Variants in ZBTB7C observed in about 807,000 individuals in gnomAD.
The protein encoded by ZBTB7C is zinc finger and BTB domain-containing protein 7C.
Under a neutral mutation model 25.7 loss-of-function variants are expected in ZBTB7C, and 8 were observed. The observed-to-expected ratio is 0.31, with a 90% CI of 0.18 to 0.56. The LOEUF is 0.56. ZBTB7C is among the 20% of genes least tolerant of loss of function. The probability of loss-of-function intolerance (pLI) is 0.91; values close to 1 mark genes in which losing one functional copy is unlikely to be tolerated. For synonymous variants in ZBTB7C, 394 were observed against 369.0 expected (o/e 1.07, Z -0.78); for missense variants, 824 against 855.2 (o/e 0.96, Z 0.46).
At chr18:48,399,146 T>C (rs1370234023) in intron 1 of ZBTB7C, among the ~76,000 whole-genome samples, 2 of 152,180 alleles carry the variant, frequency 1.3e-5, no homozygotes, top group African/African-American at 4.8e-5. Flanking sequence ...CCCATTTGAG[T>C]AAAGAATTTT....
chr18:48,206,480 C>A (rs1233956934), intron 2 of ZBTB7C, among the ~76,000 whole-genome samples: 3 of 151,924 alleles, frequency 2.0e-5, no homozygotes, highest in African/African-American at 7.3e-5. Flanking sequence ...TATGGTGAAA[C>A]CCTGTCTCTA....
intron 3 of ZBTB7C, among the ~76,000 whole-genome samples, chr18:48,166,222 G>A (rs1370316888): frequency 1.3e-5 from 2 of 152,024 alleles, no homozygotes; most frequent in African/African-American, 2.4e-5. Flanking sequence ...TAACTGTTAA[G>A]CAATAACTTC....
chr18:48,196,648 G>A (rs1185513300), intron 2 of ZBTB7C, among the ~76,000 whole-genome samples: 3 of 152,042 alleles, frequency 2.0e-5, no homozygotes, highest in Non-Finnish European at 4.4e-5. Context: ...CCTTTATGTT[G>A]TATGGGATCC....
rs1396167377 is a variant in ZBTB7C at position 48,342,079 on chromosome 18, C to A, written c.-303-3681G>T. 5.9e-5 allele frequency among the ~76,000 whole-genome samples: 9 copies of A among 152,328 alleles called. No individual in the cohort carries two copies. In the East Asian group the frequency reaches 1.7e-3, roughly 29 times the overall value. On this transcript the variant is annotated intron_variant, in intron 1 of 4. Transcript: ENST00000590800. ...GGATCAGGGAGCTGGGACCCCTCCC[C>A]CGACATCATATTTCCCAGTCTAAGC...
At chr18:48,296,244 G>A (rs1352492280) in intron 2 of ZBTB7C, among the ~76,000 whole-genome samples, 1 of 152,144 alleles carries the variant, frequency 6.6e-6, no homozygotes, top group African/African-American at 2.4e-5. Context: ...ATGCAGGATG[G>A]GGAGGGGGCA....
At position 48,040,780 on chromosome 18, in the gene ZBTB7C, C is replaced by T. The variant is rs2036206493; in HGVS notation, c.328G>A (p.Ala110Thr). The change falls in exon 4 of 5, where the codon GCA becomes ACA. Residue 110 changes from alanine to threonine, a missense_variant. Physicochemically the swap from Ala to Thr is moderately conservative, Grantham distance 58 (BLOSUM62 0). Coordinates refer to ENST00000590800, the MANE Select transcript of ZBTB7C (RefSeq NM_001318841.2). ...CACTGGATCTCCAGCATCCTGGCTG[C>T]GTTGAGGATGTGCTTGACATTGCCA... ...TAGNVKHILN[A>T]ARMLEIQCIV... 11 of 1,613,926 alleles carry T rather than the reference C, an allele frequency of 6.8e-6. No homozygotes were observed. The highest frequency in any genetic ancestry group is 3.3e-5 in the Admixed American group (2 of 59,998).
intron 1 of ZBTB7C, among the ~76,000 whole-genome samples, chr18:48,347,636 T>C (rs1568390565): frequency 6.6e-6 from 1 of 152,148 alleles, no homozygotes; most frequent in East Asian, 1.9e-4. Context: ...CCTCTTCCCT[T>C]ACCTGACCCA....
intron 2 of ZBTB7C, among the ~76,000 whole-genome samples, chr18:48,308,703 A>G (rs1246454790): frequency 6.6e-6 from 1 of 152,228 alleles, no homozygotes. Context: ...AACAAACAGT[A>G]CCAGTGGACC....
chr18:48,079,721 C>T (rs1456346408), intron 3 of ZBTB7C, among the ~76,000 whole-genome samples: 18 of 152,262 alleles, frequency 1.2e-4, no homozygotes, highest in African/African-American at 4.3e-4. Flanking sequence ...AAGGGGTGGG[C>T]TCCAGCCCGC....
chr18:48,340,581 C>T (rs1224803169), intron 1 of ZBTB7C, among the ~76,000 whole-genome samples: 5 of 152,198 alleles, frequency 3.3e-5, no homozygotes, highest in Non-Finnish European at 5.9e-5. Flanking sequence ...CATCCCACCC[C>T]GACTGGCTGC....
intron 2 of ZBTB7C, among the ~76,000 whole-genome samples, chr18:48,317,257 CAAAAAAAA>C (rs71165318): frequency 1.4e-5 from 1 of 69,438 alleles, no homozygotes; most frequent in East Asian, 3.6e-4. Context: ...AACTCCGTCT[CAAAAAAAA>C]AAAAAAAAAA....
intron 1 of ZBTB7C, among the ~76,000 whole-genome samples, chr18:48,390,363 C>T (rs565289815): frequency 6.6e-6 from 1 of 152,288 alleles, no homozygotes; most frequent in East Asian, 1.9e-4. Flanking sequence ...TTCTGCTCCA[C>T]AGAATTCATT....
At chr18:48,338,918 G>GT (rs943068316) in intron 1 of ZBTB7C, among the ~76,000 whole-genome samples, 7 of 151,926 alleles carry the variant, frequency 4.6e-5, no homozygotes, top group Admixed American at 3.9e-4. Flanking sequence ...TGTTGGGGGG[G>GT]GGGGGTCCAG....
chr18:48,364,613 G>A (rs1243751518), intron 1 of ZBTB7C, among the ~76,000 whole-genome samples: 2 of 152,214 alleles, frequency 1.3e-5, no homozygotes, highest in Admixed American at 6.5e-5. Context: ...AGATTGATGG[G>A]GCTTTTGCAT....
At chr18:48,355,233 G>A (rs2046950596) in intron 1 of ZBTB7C, among the ~76,000 whole-genome samples, 1 of 152,188 alleles carries the variant, frequency 6.6e-6, no homozygotes, top group Non-Finnish European at 1.5e-5. Flanking sequence ...AAATTTCAAG[G>A]ACTGTGGGGG....
At chr18:48,139,561 G>T (rs900742246) in intron 3 of ZBTB7C, among the ~76,000 whole-genome samples, 12 of 152,092 alleles carry the variant, frequency 7.9e-5, no homozygotes, top group Non-Finnish European at 1.8e-4. Flanking sequence ...GGGGAGAGCT[G>T]GCTGCTGTCC....
intron 3 of ZBTB7C, among the ~76,000 whole-genome samples, chr18:48,157,192 T>A (rs1470812618): frequency 6.6e-6 from 1 of 152,126 alleles, no homozygotes; most frequent in African/African-American, 2.4e-5. Flanking sequence ...AGCTTTTCAA[T>A]AAATAAAAGC....
chr18:48,062,922 C>T lies in ZBTB7C; in HGVS notation c.-16-21799G>A, dbSNP rs577875810. On this transcript the variant is annotated intron_variant, in intron 3 of 4. Coordinates refer to ENST00000590800, the MANE Select transcript of ZBTB7C (RefSeq NM_001318841.2). Reference sequence around the variant, plus strand: ...CTGGCACAGGGAGCCACAGTGACTGCGCTGGAACCCGCATTTTGCCTTCAC... The same window carrying T: ...CTGGCACAGGGAGCCACAGTGACTGTGCTGGAACCCGCATTTTGCCTTCAC... Among the ~76,000 whole-genome samples the T allele has an allele frequency of 5.4e-4, 83 of 152,294 alleles. 1 individual carries two copies. In the East Asian group the frequency reaches 8.1e-3, roughly 15 times the overall value.
At chr18:48,257,107 C>G (rs1598717900) in intron 2 of ZBTB7C, among the ~76,000 whole-genome samples, 1 of 151,714 alleles carries the variant, frequency 6.6e-6, no homozygotes, top group East Asian at 1.9e-4. Context: ...TAAACTGAAA[C>G]CCACTTTAAA....
Sources: allele counts gnomAD v4.1 joint callset (sites outside exome capture counted in the v4.1 genomes callset), GRCh38; gene constraint gnomAD v4.1.1; transcripts MANE v1.5; gene names NCBI Gene and HGNC (gene_info 2026-07-23, HGNC 2026-07-21).